Variants in GOLM2 observed in about 807,000 individuals in gnomAD.
GOLM2 encodes golgi membrane protein 2.
Under a neutral mutation model 55.9 loss-of-function variants are expected in GOLM2, and 26 were observed. The ratio of observed to expected loss-of-function variants is 0.47; its 90% CI spans 0.34 to 0.65. The LOEUF (loss-of-function observed/expected upper bound fraction) is 0.65, where lower values mean the gene tolerates loss of function less well. Among genes scored for constraint, GOLM2 ranks in the 30% least tolerant of loss-of-function variants. GOLM2 has a pLI of 0.01. For missense variants in GOLM2, 486 were observed against 531.8 expected (o/e 0.91, Z 0.85); for synonymous variants, 165 against 194.6 (o/e 0.85, Z 1.27).
At position 44,402,999 on chromosome 15, in the gene GOLM2, T is replaced by C. The variant is rs767750376; in HGVS notation, c.1185T>C (p.Ala395=). The C allele has an allele frequency of 6.2e-7, 1 of 1,614,078 alleles. No individual in the cohort carries two copies. Among genetic ancestry groups the C allele is most frequent in the South Asian group, 1.1e-5 (1 of 91,078 alleles). ...NVGEYEADKQ[A]ELAYNEEEDG... ...GTGAGTATGAGGCAGACAAGCAGGC[T>C]GAGCTGGCTTACAATGAGGAAGAAG... The change falls in exon 9 of 10, where the codon GCT becomes GCC. Residue 395 remains alanine (A), a synonymous_variant. Coordinates refer to ENST00000299957, the MANE Select transcript of GOLM2 (RefSeq NM_138423.4).
intron 6 of GOLM2, among the ~76,000 whole-genome samples, chr15:44,363,635 C>T (rs921358067): frequency 6.6e-5 from 10 of 152,086 alleles, no homozygotes; most frequent in Non-Finnish European, 8.8e-5. Flanking sequence ...AGCAGTGTGG[C>T]GATTCCTCAG....
At chr15:44,304,548 G>T (rs1047327895) in intron 1 of GOLM2, among the ~76,000 whole-genome samples, 4 of 151,460 alleles carry the variant, frequency 2.6e-5, no homozygotes, top group Non-Finnish European at 4.4e-5. Context: ...AGCCCTCCAG[G>T]CTCTACTTCT....
chr15:44,315,123 T>C (rs2078900626), intron 1 of GOLM2, among the ~76,000 whole-genome samples: 1 of 152,178 alleles, frequency 6.6e-6, no homozygotes, highest in African/African-American at 2.4e-5. Context: ...AGACTGGAAG[T>C]AGAATATGTC....
intron 6 of GOLM2, among the ~76,000 whole-genome samples, chr15:44,347,955 G>A (rs2079136374): frequency 1.3e-5 from 2 of 152,130 alleles, no homozygotes; most frequent in South Asian, 2.1e-4. Context: ...CACAGTCAGC[G>A]CCAGAAGGGA....
Position 44,303,845 on chromosome 15 carries a change from C to T in GOLM2, c.327+14489C>T, listed in dbSNP as rs139639915. 7.4e-3 allele frequency among the ~76,000 whole-genome samples: 1,116 copies of T among 151,136 alleles called. 13 individuals are homozygous for T. The highest frequency in any genetic ancestry group is 0.026 in the African/African-American group (1,066 of 41,084). ...CCACCTCCCAGGTTCAAGCAATTCT[C>T]GTGCCTTAGCCTCCTGAGTAGCTGG... On this transcript the variant is annotated intron_variant, in intron 1 of 9. Coordinates refer to ENST00000299957, the MANE Select transcript of GOLM2 (RefSeq NM_138423.4).
At position 44,322,999 on chromosome 15, in the gene GOLM2, C is replaced by T; in HGVS notation, c.362C>T (p.Ala121Val). 6.3e-7 allele frequency: 1 copy of T among 1,576,614 alleles called. No individual in the cohort carries two copies. The highest frequency in any genetic ancestry group is 8.6e-7 in the Non-Finnish European group (1 of 1,164,858). ...KLQNNISYQM[A>V]DIHHLKEQLA... is the part of the protein sequence containing the mutation. The stretch of plus-strand genomic sequence containing the variant: ...CAGAACAACATATCGTATCAGATGG[C>T]AGACATACATCATTTAAAGGGTAAG... Residue 121 changes from alanine (A) to valine (V), a missense_variant, in exon 2 of 10, where the codon GCA (alanine) becomes GTA (valine). Transcript: ENST00000299957.
intron 8 of GOLM2, among the ~76,000 whole-genome samples, chr15:44,398,957 C>T (rs2079545634): frequency 6.6e-6 from 1 of 152,004 alleles, no homozygotes; most frequent in South Asian, 2.1e-4. Flanking sequence ...CGTGAGCCAC[C>T]ATGCCTGGCC....
At position 44,328,682 on chromosome 15, in the gene GOLM2, T is replaced by C. The variant is rs2079000917; in HGVS notation, c.383-3T>C. On this transcript the variant is annotated splice_region_variant and splice_polypyrimidine_tract_variant and intron_variant, in intron 2 of 9. Coordinates refer to ENST00000299957, the MANE Select transcript of GOLM2 (RefSeq NM_138423.4). Reference sequence around the variant, plus strand: ...TCCTTTGGTTCTTACCTTGGGTGGATAGAGCAACTTGCTGAGCTTCGTCAG... The same window carrying C: ...TCCTTTGGTTCTTACCTTGGGTGGACAGAGCAACTTGCTGAGCTTCGTCAG... 3.1e-6 allele frequency: 5 copies of C among 1,610,710 alleles called. No individual in the cohort carries two copies. The highest frequency in any genetic ancestry group is 2.7e-5 in the African/African-American group (2 of 74,772).
At chr15:44,328,284 AGCC>A (rs2078998141) in intron 2 of GOLM2, among the ~76,000 whole-genome samples, 1 of 152,210 alleles carries the variant, frequency 6.6e-6, no homozygotes, top group African/African-American at 2.4e-5. Flanking sequence ...GTTTGAGACC[AGCC>A]TGGGCAACAT....
intron 6 of GOLM2, among the ~76,000 whole-genome samples, chr15:44,373,382 G>A (rs1263119983): frequency 3.3e-5 from 5 of 149,690 alleles, no homozygotes; most frequent in Non-Finnish European, 7.4e-5. Flanking sequence ...GCGTGAACCC[G>A]GGAGGCGGAG....
chr15:44,288,859 C>G lies in GOLM2; in HGVS notation c.-171C>G. ...ATTTGAGGAGGGGGGCGGGGAGGGA[C>G]CTGCGGCTTGCGGCCCCGCCCCCTT... On this transcript the variant is annotated 5_prime_UTR_variant, in exon 1 of 10. Transcript: ENST00000299957. The G allele has an allele frequency of 1.6e-6, 1 of 615,878 alleles. No individual in the cohort carries two copies. Among genetic ancestry groups the G allele is most frequent in the Admixed American group, 3.0e-5 (1 of 32,940 alleles). 38.2% of individuals were successfully genotyped at this position (615,878 alleles called of 1,614,324 possible).
chr15:44,362,539 A>T (rs1281182723), intron 6 of GOLM2, among the ~76,000 whole-genome samples: 1 of 152,068 alleles, frequency 6.6e-6, no homozygotes, highest in Non-Finnish European at 1.5e-5. Context: ...AATGAAATAA[A>T]AGAGGATACA....
chr15:44,381,473 T>G (rs1004892277), intron 8 of GOLM2, among the ~76,000 whole-genome samples: 1 of 152,160 alleles, frequency 6.6e-6, no homozygotes, highest in East Asian at 1.9e-4. Flanking sequence ...TAAGAAAAAA[T>G]TCTAGTAGTA....
At chr15:44,383,132 C>T (rs897851952) in intron 8 of GOLM2, among the ~76,000 whole-genome samples, 1 of 150,714 alleles carries the variant, frequency 6.6e-6, no homozygotes, top group African/African-American at 2.4e-5. Flanking sequence ...TATACATATA[C>T]AGAATATATG....
intron 6 of GOLM2, among the ~76,000 whole-genome samples, chr15:44,353,817 G>A (rs1036182953): frequency 2.0e-5 from 3 of 152,282 alleles, no homozygotes; most frequent in East Asian, 3.9e-4. Flanking sequence ...GGGAAGTGGG[G>A]ATGGTTAATT....
In GOLM2 at chr15:44,347,691, C is replaced by T. The variant is rs150767304; in HGVS notation, c.802+9374C>T. ...GCTGGGATCAGAGCCAGTGGTCTTGCGGGGGCACACAACCTAGTGAGACAG... is the reference window on the plus strand; with the variant it reads ...GCTGGGATCAGAGCCAGTGGTCTTGTGGGGGCACACAACCTAGTGAGACAG... On this transcript the variant is annotated intron_variant, in intron 6 of 9. Coordinates refer to ENST00000299957, the MANE Select transcript of GOLM2 (RefSeq NM_138423.4). 2.0e-3 allele frequency among the ~76,000 whole-genome samples: 298 copies of T among 152,194 alleles called. 1 individual carries two copies. The highest frequency in any genetic ancestry group is 6.8e-3 in the African/African-American group (281 of 41,518).
At chr15:44,294,525 T>C (rs1411276794) in intron 1 of GOLM2, among the ~76,000 whole-genome samples, 1 of 151,852 alleles carries the variant, frequency 6.6e-6, no homozygotes, top group African/African-American at 2.4e-5. Context: ...CCAGCCTGGC[T>C]AGCATGGTGA....
intron 8 of GOLM2, among the ~76,000 whole-genome samples, chr15:44,389,003 G>T (rs1389432233): frequency 5.9e-5 from 9 of 151,980 alleles, no homozygotes; most frequent in East Asian, 5.9e-4. Flanking sequence ...TTTTTTAGTA[G>T]AGACGGGGTT....
intron 1 of GOLM2, among the ~76,000 whole-genome samples, chr15:44,320,403 A>T (rs2078941012): frequency 6.6e-6 from 1 of 152,106 alleles, no homozygotes. Flanking sequence ...GGCTCAAGTG[A>T]TCCTCCTACC....
Sources: gnomAD v4.1 joint callset for allele counts (sites outside exome capture counted in the v4.1 genomes callset) on GRCh38, gnomAD v4.1.1 for gene constraint, MANE v1.5 for transcripts, NCBI Gene and HGNC (gene_info 2026-07-23, HGNC 2026-07-21) for gene names.